The following SERPINA1 variants were observed in gnomAD, a reference collection of about 807,000 sequenced individuals.
SERPINA1 encodes the protein serpin family A member 1, also known as alpha-1-antitrypsin.
SERPINA1 carries 21 observed loss-of-function variants against 25.4 expected under a neutral mutation model. The observed-to-expected ratio is 0.83, with a 90% CI of 0.59 to 1.19. SERPINA1 has a LOEUF of 1.19. SERPINA1 is among the 50% of genes most tolerant of loss of function. The pLI is 0.00. For missense variants in SERPINA1, 546 were observed against 509.0 expected (o/e 1.07, Z -0.70); for synonymous variants, 218 against 211.1 (o/e 1.03, Z -0.29).
Position 94,378,539 on chromosome 14 carries a change from C to T in SERPINA1, c.1167G>A (p.Lys389=). The T allele has an allele frequency of 6.2e-7, 1 of 1,614,146 alleles. No individual in the cohort carries two copies. Among genetic ancestry groups the T allele is most frequent in the Non-Finnish European group, 8.5e-7 (1 of 1,180,028 alleles). ...AIPMSIPPEV[K]FNKPFVFLMI... The stretch of plus-strand genomic sequence containing the variant: ...TTAAGAAGACAAAGGGTTTGTTGAA[C>T]TTGACCTCGGGGGGGATAGACATGG... Residue 389 remains lysine (K), a synonymous_variant, in exon 5 of 5, where the codon AAG becomes AAA. Transcript: ENST00000393087.
rs769331986 is a variant in SERPINA1 at position 94,383,126 on chromosome 14, A to T, written c.112T>A (p.Ser38Thr). The T allele has an allele frequency of 6.2e-7, 1 of 1,614,168 alleles. No homozygotes were observed. Among genetic ancestry groups the T allele is most frequent in the Non-Finnish European group, 8.5e-7 (1 of 1,180,026 alleles). ...QGDAAQKTDT[S>T]HHDQDHPTFN... ...GTTGGGTGATCCTGATCATGGTGGG[A>T]TGTATCTGTCTTCTGGGCAGCATCT... Residue 38 changes from serine (S) to threonine (T), a missense_variant, in exon 2 of 5, where the codon TCC becomes ACC. By Grantham distance (58) the Ser-to-Thr change is moderately conservative. Transcript: ENST00000393087.
At position 94,378,599 on chromosome 14, in the gene SERPINA1, A is replaced by G. The variant is rs533419579; in HGVS notation, c.1107T>C (p.Thr369=). ...CTAAAAACATGGCCCCAGCAGCTTC[A>G]GTCCCTTTCTCGTCGATGGTCAGCA... ...KAVLTIDEKG[T]EAAGAMFLEA... is the part of the protein sequence containing the mutation. Residue 369 remains threonine, a synonymous_variant, in exon 5 of 5, where the codon ACT becomes ACC. Coordinates refer to ENST00000393087, the MANE Select transcript of SERPINA1 (RefSeq NM_000295.5). 1 of 1,614,084 alleles carries G rather than the reference A, an allele frequency of 6.2e-7. No individual in the cohort carries two copies. The highest frequency in any genetic ancestry group is 1.3e-5 in the African/African-American group (1 of 75,022).
chr14:94,382,725 G>A lies in SERPINA1; in HGVS notation c.513C>T (p.Phe171=), dbSNP rs190838132. Residue 171 remains phenylalanine, a synonymous_variant, in exon 2 of 5, where the codon TTC becomes TTT. Coordinates refer to ENST00000393087, the MANE Select transcript of SERPINA1 (RefSeq NM_000295.5). ...GTTTCTTGGCCTCTTCGGTGTCCCC[G>A]AAGTTGACAGTGAAGGCTTCTGAGT... The part of the protein sequence containing the change: ...LYHSEAFTVN[F]GDTEEAKKQI... 143 of 1,614,208 alleles carry A rather than the reference G, an allele frequency of 8.9e-5. 1 individual carries two copies. Among genetic ancestry groups the A allele is most frequent in the East Asian group, 3.1e-4 (14 of 44,888 alleles).
Position 94,378,544 on chromosome 14 carries a change from C to A in SERPINA1, c.1162G>T (p.Val388Phe). The change falls in exon 5 of 5, where the codon GTC (valine) becomes TTC (phenylalanine). Residue 388 changes from valine (V) to phenylalanine (F), a missense_variant. Val to Phe is a conservative substitution (Grantham distance 50, BLOSUM62 -1). Coordinates refer to ENST00000393087, the MANE Select transcript of SERPINA1 (RefSeq NM_000295.5). ...AAGACAAAGGGTTTGTTGAACTTGA[C>A]CTCGGGGGGGATAGACATGGGTATG... is the stretch of plus-strand genomic sequence containing the variant. Reference protein sequence around the residue: ...EAIPMSIPPEVKFNKPFVFLM... With the variant: ...EAIPMSIPPEFKFNKPFVFLM... 2 of 1,614,110 alleles carry A rather than the reference C, an allele frequency of 1.2e-6. No homozygotes were observed. The highest frequency in any genetic ancestry group is 1.7e-6 in the Non-Finnish European group (2 of 1,180,012).
At position 94,382,951 on chromosome 14, in the gene SERPINA1, G is replaced by T; in HGVS notation, c.287C>A (p.Thr96Asn). 1 of 1,609,840 alleles carries T rather than the reference G, an allele frequency of 6.2e-7. No individual in the cohort carries two copies. The change falls in exon 2 of 5, where the codon ACT becomes AAT. Residue 96 changes from threonine to asparagine, a missense_variant. Coordinates refer to ENST00000393087, the MANE Select transcript of SERPINA1 (RefSeq NM_000295.5). ...AMLSLGTKAD[T>N]HDEILEGLNF... The stretch of plus-strand genomic sequence containing the variant: ...CAGGCCCTCCAGGATTTCATCGTGA[G>T]TGTCAGCCTTGGTCCCCAGGGAGAG...
At chr14:94,387,272 G>T (rs983770113) in intron 1 of SERPINA1, among the ~76,000 whole-genome samples, 1 of 152,232 alleles carries the variant, frequency 6.6e-6, no homozygotes, top group East Asian at 1.9e-4. Context: ...TCAGTTTCCT[G>T]GAGATGAGAA....
chr14:94,386,933 C>T (rs963564190), intron 1 of SERPINA1, among the ~76,000 whole-genome samples: 1 of 152,174 alleles, frequency 6.6e-6, no homozygotes, highest in African/African-American at 2.4e-5. Flanking sequence ...ATTATTAGCC[C>T]TATTTTATAG....
chr14:94,378,735 T>C, intron 4 of SERPINA1, 95 bp from the exon 5 acceptor site: 2 of 1,270,482 alleles, frequency 1.6e-6, no homozygotes, highest in Non-Finnish European at 2.2e-6. Context: ...TCACTCCCCC[T>C]GGACGGCCCT....
chr14:94,383,700 A>C (rs1897118771), intron 1 of SERPINA1: 1 of 176,500 alleles, frequency 5.7e-6, no homozygotes, highest in Admixed American at 5.5e-5. Flanking sequence ...AATGAGGCAC[A>C]AGAAGAGGAA....
rs1360203455 is a variant in SERPINA1 at position 94,381,032 on chromosome 14, G to A, written c.756C>T (p.Asn252=). 6.2e-7 allele frequency: 1 copy of A among 1,614,116 alleles called. No homozygotes were observed. ...TGGACAGCTTCTTACAGTGCTGGAT[G>A]TTAAACATGCCTAAACGCTTCATCA... is the stretch of plus-strand genomic sequence containing the variant. The part of the protein sequence containing the change: ...VPMMKRLGMF[N]IQHCKKLSSW... Residue 252 remains asparagine, a synonymous_variant, in exon 3 of 5, where the codon AAC becomes AAT. Coordinates refer to ENST00000393087, the MANE Select transcript of SERPINA1 (RefSeq NM_000295.5).
Position 94,377,015 on chromosome 14 carries a change from A to C in SERPINA1, c.*1434T>G, listed in dbSNP as rs1400754410. 2 of 152,230 alleles carry C rather than the reference A, an allele frequency of 1.3e-5. No individual in the cohort carries two copies. Among genetic ancestry groups the C allele is most frequent in the African/African-American group, 4.8e-5 (2 of 41,454 alleles). The allele number at this position is 152,230 out of a possible 1,614,324, so 9.4% of individuals were successfully genotyped here. ...TATTTGTGGAGAGTGAAAGGCTGTC[A>C]GTGAGTAAGCTTAAGAGAACAGGAG... is the stretch of plus-strand genomic sequence containing the variant. On this transcript the variant is annotated 3_prime_UTR_variant, in exon 5 of 5. Coordinates refer to ENST00000393087, the MANE Select transcript of SERPINA1 (RefSeq NM_000295.5).
chr14:94,382,823 C>T lies in SERPINA1; in HGVS notation c.415G>A (p.Gly139Ser), dbSNP rs11558261. ...QPDSQLQLTT[G>S]NGLFLSEGLK... is the part of the protein sequence containing the mutation. ...CCCTCGCTGAGGAACAGGCCATTGC[C>T]GGTGGTCAGCTGGAGCTGGCTGTCT... The change falls in exon 2 of 5, where the codon GGC becomes AGC. Residue 139 changes from glycine to serine, a missense_variant. Coordinates refer to ENST00000393087, the MANE Select transcript of SERPINA1 (RefSeq NM_000295.5). 79 of 1,614,246 alleles carry T rather than the reference C, an allele frequency of 4.9e-5. No homozygotes were observed. In the South Asian group the frequency reaches 5.8e-4, roughly 12 times the overall value.
At chr14:94,381,914 T>C (rs1361802980) in intron 2 of SERPINA1, among the ~76,000 whole-genome samples, 1 of 152,090 alleles carries the variant, frequency 6.6e-6, no homozygotes, top group Non-Finnish European at 1.5e-5. Flanking sequence ...CCCTATGCTG[T>C]TTTCCTGGGA....
intron 4 of SERPINA1, 108 bp from the exon 5 acceptor site, chr14:94,378,748 C>CCCTGCA: frequency 8.6e-7 from 1 of 1,159,534 alleles, no homozygotes; most frequent in Non-Finnish European, 1.3e-6. Context: ...ACGGCCCTGG[C>CCCTGCA]CCTGCACATC....
upstream of SERPINA1, chr14:94,389,761 C>T (rs949298053): frequency 6.6e-6 from 1 of 152,202 alleles, no homozygotes; most frequent in African/African-American, 2.4e-5. Flanking sequence ...TTCACCAGTC[C>T]CATTTATGCC....
chr14:94,386,839 T>C (rs901704798), intron 1 of SERPINA1, among the ~76,000 whole-genome samples: 1 of 152,168 alleles, frequency 6.6e-6, no homozygotes, highest in Non-Finnish European at 1.5e-5. Context: ...AGCGTCACCA[T>C]CATTGCCACA....
intron 4 of SERPINA1, chr14:94,379,117 C>G (rs142323488): frequency 1.7e-6 from 1 of 576,138 alleles, no homozygotes; most frequent in Non-Finnish European, 3.1e-6. Flanking sequence ...TCTCACAGAT[C>G]GAAGGAGTCA....
chr14:94,383,070 C>G lies in SERPINA1; in HGVS notation c.168G>C (p.Glu56Asp). The G allele has an allele frequency of 6.2e-7, 1 of 1,614,158 alleles. No homozygotes were observed. ...TFNKITPNLA[E>D]FAFSLYRQLA... is the part of the protein sequence containing the mutation. The stretch of plus-strand genomic sequence containing the variant: ...GCTGGCGGTATAGGCTGAAGGCGAA[C>G]TCAGCCAGGTTGGGGGTGATCTTGT... The change falls in exon 2 of 5, where the codon GAG (glutamate) becomes GAC (aspartate). Residue 56 changes from glutamate (E) to aspartate (D), a missense_variant. By Grantham distance (45) the Glu-to-Asp change is conservative. Coordinates refer to ENST00000393087, the MANE Select transcript of SERPINA1 (RefSeq NM_000295.5).
chr14:94,388,156 A>G (rs117824164), intron 1 of SERPINA1, among the ~76,000 whole-genome samples: 4 of 152,246 alleles, frequency 2.6e-5, no homozygotes, highest in Non-Finnish European at 5.9e-5. Context: ...GGTGAGGCTT[A>G]TAGGAGACAA....
Sources: gnomAD v4.1 joint callset for allele counts (sites outside exome capture counted in the v4.1 genomes callset) on GRCh38, gnomAD v4.1.1 for gene constraint, MANE v1.5 for transcripts, NCBI Gene and HGNC (gene_info 2026-07-23, HGNC 2026-07-21) for gene names.